Variants in DNAH9 observed in about 807,000 individuals in gnomAD.
DNAH9 encodes dynein axonemal heavy chain 9.
A neutral mutation model predicts 471.6 loss-of-function variants in DNAH9; 345 were observed. The ratio of observed to expected loss-of-function variants is 0.73; its 90% CI spans 0.67 to 0.80. The LOEUF (loss-of-function observed/expected upper bound fraction) is 0.80, where lower values mean the gene tolerates loss of function less well. Among genes scored for constraint, DNAH9 ranks in the 30% least tolerant of loss-of-function variants. The pLI is 0.00. For missense variants in DNAH9, 5,407 were observed against 5,609.2 expected (o/e 0.96, Z 1.15); for synonymous variants, 2,093 against 2,123.6 (o/e 0.99, Z 0.40).
At chr17:11,774,775 A>C (rs186308252) in intron 38 of DNAH9, among the ~76,000 whole-genome samples, 2 of 152,288 alleles carry the variant, frequency 1.3e-5, no homozygotes, top group Admixed American at 6.5e-5. Flanking sequence ...ATAGAATTCC[A>C]TTGTGTGAAT....
intron 53 of DNAH9, among the ~76,000 whole-genome samples, chr17:11,878,826 C>T (rs920369459): frequency 6.6e-5 from 10 of 152,158 alleles, no homozygotes; most frequent in African/African-American, 2.2e-4. Flanking sequence ...ACCTTGGCCT[C>T]CCAAAGTTCT....
intron 53 of DNAH9, among the ~76,000 whole-genome samples, chr17:11,879,261 T>C (rs1972623577): frequency 6.6e-6 from 1 of 152,130 alleles, no homozygotes; most frequent in African/African-American, 2.4e-5. Context: ...AAAACACTGC[T>C]AACTTATTGG....
intron 26 of DNAH9, among the ~76,000 whole-genome samples, chr17:11,714,873 C>A (rs1241037650): frequency 6.6e-6 from 1 of 152,076 alleles, no homozygotes; most frequent in Non-Finnish European, 1.5e-5. Context: ...CTGCCAAGAA[C>A]CTGAATGAGC....
At chr17:11,631,702 AC>A (rs1567677495) in intron 7 of DNAH9, among the ~76,000 whole-genome samples, 1 of 152,050 alleles carries the variant, frequency 6.6e-6, no homozygotes, top group African/African-American at 2.4e-5. Flanking sequence ...ACCCTACAAT[AC>A]AGTAAAACAA....
chr17:11,693,000 G>A (rs2074360013), intron 20 of DNAH9, among the ~76,000 whole-genome samples: 2 of 149,958 alleles, frequency 1.3e-5, no homozygotes, highest in Middle Eastern at 7.3e-3. Context: ...CCGCCTCCCG[G>A]TTTCGAGCGA....
intron 6 of DNAH9, among the ~76,000 whole-genome samples, chr17:11,620,559 T>G (rs1368369374): frequency 6.6e-6 from 1 of 151,298 alleles, no homozygotes; most frequent in Non-Finnish European, 1.5e-5. Context: ...GTCATTTGGA[T>G]TGACCATCAC....
intron 38 of DNAH9, among the ~76,000 whole-genome samples, chr17:11,778,584 G>A (rs916418064): frequency 6.6e-6 from 1 of 151,966 alleles, no homozygotes; most frequent in Non-Finnish European, 1.5e-5. Context: ...TATGGTGTAG[G>A]GAGTCTAGGG....
At chr17:11,847,230 A>G (rs1971257976) in intron 49 of DNAH9, among the ~76,000 whole-genome samples, 1 of 152,068 alleles carries the variant, frequency 6.6e-6, no homozygotes, top group African/African-American at 2.4e-5. Flanking sequence ...TCATTTGTCA[A>G]TTTTTGCTTT....
intron 41 of DNAH9, among the ~76,000 whole-genome samples, chr17:11,792,648 T>C (rs866274322): frequency 6.6e-6 from 1 of 152,198 alleles, no homozygotes; most frequent in Non-Finnish European, 1.5e-5. Flanking sequence ...GATAAATAAA[T>C]AGATTGCTGA....
chr17:11,693,935 C>T lies in DNAH9; in HGVS notation c.4682C>T (p.Pro1561Leu), dbSNP rs1330858433. 1 of 1,614,056 alleles carries T rather than the reference C, an allele frequency of 6.2e-7. No individual in the cohort carries two copies. Among genetic ancestry groups the T allele is most frequent in the Non-Finnish European group, 8.5e-7 (1 of 1,179,976 alleles). ...CTAGCTTATGATGCCCAGAAAATTC[C>T]AAATGTAGTGCAAACCACCAACAAG... Reference protein sequence around the residue: ...KELAYDAQKIPNVVQTTNKPG... With the variant: ...KELAYDAQKILNVVQTTNKPG... Residue 1561 changes from proline to leucine, a missense_variant, in exon 21 of 69, where the codon CCA becomes CTA. Transcript: ENST00000262442.
intron 30 of DNAH9, among the ~76,000 whole-genome samples, chr17:11,743,143 G>T (rs72810897): frequency 6.6e-6 from 1 of 152,112 alleles, no homozygotes; most frequent in Non-Finnish European, 1.5e-5. Flanking sequence ...TCAGCTCTAA[G>T]CCCAAGCTTC....
chr17:11,630,747 T>C (rs1389952459), intron 7 of DNAH9, among the ~76,000 whole-genome samples: 1 of 152,204 alleles, frequency 6.6e-6, no homozygotes, highest in African/African-American at 2.4e-5. Flanking sequence ...TATTGCGTAC[T>C]TGAAATTCGC....
chr17:11,811,361 AG>A (rs1969892954), intron 45 of DNAH9, among the ~76,000 whole-genome samples: 1 of 151,984 alleles, frequency 6.6e-6, no homozygotes. Context: ...ATAAAGAGGC[AG>A]GGAGAAGAGA....
rs185542093 is a variant in DNAH9, at chr17:11,941,770, A to G, written c.12661-533A>G. Among the ~76,000 whole-genome samples, 32 of 152,246 alleles carry G rather than the reference A, an allele frequency of 2.1e-4. No individual in the cohort carries two copies. In the East Asian group the frequency reaches 6.0e-3, roughly 28 times the overall value. The stretch of plus-strand genomic sequence containing the variant: ...GATTAGATAGATGGATAGATGAATG[A>G]CAGATTAGATAGATGATAGATAGAT... On this transcript the variant is annotated intron_variant, in intron 66 of 68. Coordinates refer to ENST00000262442, the MANE Select transcript of DNAH9 (RefSeq NM_001372.4).
intron 43 of DNAH9, among the ~76,000 whole-genome samples, chr17:11,803,266 A>G (rs1969535489): frequency 6.6e-6 from 1 of 151,428 alleles, no homozygotes; most frequent in Admixed American, 6.6e-5. Flanking sequence ...TTTGTTTTTC[A>G]CTCCCACATA....
chr17:11,901,664 C>G (rs1973420663), intron 59 of DNAH9, among the ~76,000 whole-genome samples: 1 of 152,152 alleles, frequency 6.6e-6, no homozygotes, highest in Non-Finnish European at 1.5e-5. Flanking sequence ...CCACTGCGCT[C>G]CAGCCTGGGC....
intron 67 of DNAH9, among the ~76,000 whole-genome samples, chr17:11,948,149 C>A (rs1481165955): frequency 1.3e-5 from 2 of 150,060 alleles, no homozygotes; most frequent in Non-Finnish European, 3.0e-5. Context: ...TCCTGATTGA[C>A]AAAATCTGTT....
intron 19 of DNAH9, among the ~76,000 whole-genome samples, chr17:11,681,415 C>T (rs1208258743): frequency 6.6e-6 from 1 of 152,140 alleles, no homozygotes; most frequent in Non-Finnish European, 1.5e-5. Context: ...TCAGCAACAC[C>T]ATTCATCCAT....
chr17:11,954,063 G>GA (rs975961908), intron 67 of DNAH9: 2 of 151,580 alleles, frequency 1.3e-5, no homozygotes, highest in Non-Finnish European at 2.9e-5. Flanking sequence ...CTAGAATAAT[G>GA]AAAAAACCAA....
Sources: allele counts gnomAD v4.1 joint callset (sites outside exome capture counted in the v4.1 genomes callset), GRCh38; gene constraint gnomAD v4.1.1; transcripts MANE v1.5; gene names NCBI Gene and HGNC (gene_info 2026-07-23, HGNC 2026-07-21).